CA8: variants seen among roughly 807,000 people sequenced by gnomAD.
CA8 encodes carbonic anhydrase 8 (inactive).
Under a neutral mutation model 41.4 loss-of-function variants are expected in CA8, and 22 were observed. The ratio of observed to expected loss-of-function variants is 0.53; its 90% CI spans 0.38 to 0.76. The LOEUF (loss-of-function observed/expected upper bound fraction) is 0.76. CA8 is among the 30% of genes least tolerant of loss of function. The pLI is 0.00. For synonymous variants in CA8, 121 were observed against 130.6 expected (o/e 0.93, Z 0.50); for missense variants, 270 against 352.8 (o/e 0.77, Z 1.88).
At chr8:60,225,847 G>A (rs975873277) in intron 5 of CA8, among the ~76,000 whole-genome samples, 3 of 152,206 alleles carry the variant, frequency 2.0e-5, no homozygotes, top group Admixed American at 6.5e-5. Context: ...CATTGGGCCA[G>A]GCATGGTGGC....
chr8:60,190,853 TAATA>T (rs1806100018), intron 8 of CA8, among the ~76,000 whole-genome samples: 1 of 150,268 alleles, frequency 6.7e-6, no homozygotes, highest in South Asian at 2.1e-4. Context: ...CTCCTTTCCT[TAATA>T]AATTATATTA....
chr8:60,264,500 G>T (rs923504255), intron 3 of CA8, among the ~76,000 whole-genome samples: 2 of 152,200 alleles, frequency 1.3e-5, no homozygotes, highest in African/African-American at 4.8e-5. Context: ...ATTCTGGTAT[G>T]AATTTTTCCT....
At chr8:60,222,066 G>A (rs114444652) in intron 7 of CA8, among the ~76,000 whole-genome samples, 2,428 of 152,206 alleles carry the variant, frequency 0.016, 76 homozygotes, top group African/African-American at 0.055. Context: ...TTCGAGTGGC[G>A]CTGCCTCATG....
chr8:60,203,672 T>A (rs1161097751), intron 8 of CA8, among the ~76,000 whole-genome samples: 4 of 152,150 alleles, frequency 2.6e-5, no homozygotes, highest in East Asian at 3.9e-4. Context: ...AATGCTTTTT[T>A]AAAAAAGTAT....
At chr8:60,248,450 A>C (rs1368283069) in intron 3 of CA8, among the ~76,000 whole-genome samples, 1 of 152,194 alleles carries the variant, frequency 6.6e-6, no homozygotes, top group Non-Finnish European at 1.5e-5. Context: ...GAAGGGGTCC[A>C]GTTTCAGTTT....
At chr8:60,243,430 T>TAAA (rs200587653) in intron 3 of CA8, among the ~76,000 whole-genome samples, 8,669 of 141,306 alleles carry the variant, frequency 0.061, 841 homozygotes, top group African/African-American at 0.21. Context: ...TTCTCCTCTT[T>TAAA]AAAAAAAAAA....
intron 3 of CA8, among the ~76,000 whole-genome samples, chr8:60,233,499 T>A (rs1471706611): frequency 6.6e-6 from 1 of 152,220 alleles, no homozygotes; most frequent in Non-Finnish European, 1.5e-5. Context: ...CAGGTCAGGC[T>A]GTGAGGCTGT....
At chr8:60,194,435 C>A (rs559565926) in intron 8 of CA8, among the ~76,000 whole-genome samples, 1 of 152,148 alleles carries the variant, frequency 6.6e-6, no homozygotes, top group African/African-American at 2.4e-5. Flanking sequence ...CCAGAAGATA[C>A]TTCCAGCTTC....
chr8:60,218,868 T>C (rs1306478117), intron 7 of CA8, among the ~76,000 whole-genome samples: 1 of 152,130 alleles, frequency 6.6e-6, no homozygotes, highest in Non-Finnish European at 1.5e-5. Flanking sequence ...GAGTCTGACC[T>C]GGATGGGGCG....
At chr8:60,280,922 C>A in intron 1 of CA8, 126 bp downstream of exon 1, 1 of 727,898 alleles carries the variant, frequency 1.4e-6, no homozygotes, top group Non-Finnish European at 2.4e-6. Context: ...TGGCAGAGAC[C>A]CCCGTGGGAA....
chr8:60,233,539 G>T (rs1807731675), intron 3 of CA8, among the ~76,000 whole-genome samples: 1 of 152,192 alleles, frequency 6.6e-6, no homozygotes, highest in East Asian at 1.9e-4. Flanking sequence ...TGACTACCCA[G>T]TAAATGCAAC....
intron 8 of CA8, among the ~76,000 whole-genome samples, chr8:60,191,200 C>A (rs1806119651): frequency 6.6e-6 from 1 of 151,590 alleles, no homozygotes; most frequent in African/African-American, 2.4e-5. Flanking sequence ...AGATATTTAT[C>A]ATGTCAACAA....
In CA8 at chr8:60,207,873, A is replaced by G. The variant is rs553596051; in HGVS notation, c.*35+877T>C. ...CAGGCTCAAGTGATCCTCCCACCTC[A>G]GCCTCCTGAATAGTTGGGACTACAA... On this transcript the variant is annotated intron_variant, in intron 8 of 8. Coordinates refer to ENST00000317995, the MANE Select transcript of CA8 (RefSeq NM_004056.6). 7.9e-5 allele frequency among the ~76,000 whole-genome samples: 12 copies of G among 152,288 alleles called. No homozygotes were observed. The South Asian group carries it at 2.3e-3, about 29-fold the overall frequency.
At chr8:60,264,558 T>C (rs148260346) in intron 3 of CA8, among the ~76,000 whole-genome samples, 325 of 152,258 alleles carry the variant, frequency 2.1e-3, no homozygotes, top group Non-Finnish European at 3.6e-3. Flanking sequence ...GACACAGAAG[T>C]GTCACAGGCA....
At chr8:60,197,625 A>AG (rs1806318406) in intron 8 of CA8, among the ~76,000 whole-genome samples, 1 of 152,200 alleles carries the variant, frequency 6.6e-6, no homozygotes, top group Non-Finnish European at 1.5e-5. Context: ...ACTGTGCTCC[A>AG]GGGCCTCCAT....
intron 2 of CA8, among the ~76,000 whole-genome samples, chr8:60,268,156 A>G (rs1803959400): frequency 1.3e-5 from 2 of 152,206 alleles, no homozygotes; most frequent in South Asian, 4.1e-4. Flanking sequence ...CTTCTAAAAC[A>G]AAGTGATAAA....
chr8:60,241,040 G>C (rs1808009134), intron 3 of CA8, among the ~76,000 whole-genome samples: 1 of 152,144 alleles, frequency 6.6e-6, no homozygotes, highest in African/African-American at 2.4e-5. Context: ...AGTTAACAGA[G>C]AAAGCACCAT....
intron 2 of CA8, among the ~76,000 whole-genome samples, chr8:60,278,565 C>T (rs1256552553): frequency 6.6e-6 from 1 of 152,016 alleles, no homozygotes; most frequent in Admixed American, 6.6e-5. Context: ...AAAGCTAAAC[C>T]CACACCCCCA....
At chr8:60,237,650 G>A (rs1168890549) in intron 3 of CA8, among the ~76,000 whole-genome samples, 2 of 152,208 alleles carry the variant, frequency 1.3e-5, no homozygotes, top group Non-Finnish European at 2.9e-5. Flanking sequence ...GCTGCCTCTT[G>A]CAGCCTGAAC....
Sources: allele counts gnomAD v4.1 joint callset (sites outside exome capture counted in the v4.1 genomes callset), GRCh38; gene constraint gnomAD v4.1.1; transcripts MANE v1.5; gene names NCBI Gene and HGNC (gene_info 2026-07-23, HGNC 2026-07-21).